The following RBFOX1 variants were observed in gnomAD, a reference collection of about 807,000 sequenced individuals.
The protein encoded by RBFOX1 is RNA binding fox-1 homolog 1.
RBFOX1 carries 8 observed loss-of-function variants against 57.7 expected under a neutral mutation model. That is an observed-to-expected ratio of 0.14 (90% CI 0.08 to 0.25). The LOEUF (loss-of-function observed/expected upper bound fraction) is 0.25. RBFOX1 is among the 10% of genes least tolerant of loss of function. The probability of loss-of-function intolerance (pLI) is 1.00; values close to 1 mark genes in which losing one functional copy is unlikely to be tolerated. For synonymous variants in RBFOX1, 326 were observed against 222.4 expected, an observed-to-expected ratio of 1.47 and a Z score of -4.15; for missense variants, 611 against 548.5, an observed-to-expected ratio of 1.11 and a Z score of -1.14.
intron 3 of RBFOX1, among the ~76,000 whole-genome samples, chr16:6,716,987 A>G (rs2064959548): frequency 6.6e-6 from 1 of 152,156 alleles, no homozygotes; most frequent in Non-Finnish European, 1.5e-5. Context: ...GTGCCCTTAT[A>G]AGAAGAGACA....
At chr16:6,719,436 A>C (rs1455255709) in intron 3 of RBFOX1, among the ~76,000 whole-genome samples, 4 of 144,916 alleles carry the variant, frequency 2.8e-5, no homozygotes, top group African/African-American at 8.3e-5. Context: ...CTCATCTTCA[A>C]AATAACCTGT....
intron 3 of RBFOX1, among the ~76,000 whole-genome samples, chr16:6,797,650 T>C (rs919262416): frequency 2.0e-5 from 3 of 152,150 alleles, no homozygotes; most frequent in African/African-American, 7.2e-5. Flanking sequence ...CTGTTCTCCT[T>C]GGTTCTGGAA....
intron 3 of RBFOX1, among the ~76,000 whole-genome samples, chr16:5,677,312 C>T (rs571572096): frequency 2.6e-5 from 4 of 152,310 alleles, no homozygotes; most frequent in African/African-American, 9.6e-5. Context: ...GTGAAATCCA[C>T]CTGCATATTC....
intron 2 of RBFOX1, among the ~76,000 whole-genome samples, chr16:6,493,345 G>A (rs1333473413): frequency 6.6e-6 from 1 of 152,142 alleles, no homozygotes; most frequent in Non-Finnish European, 1.5e-5. Flanking sequence ...AACAGTAATG[G>A]TTTGACCACA....
At chr16:6,373,581 G>T (rs1368829888) in intron 2 of RBFOX1, among the ~76,000 whole-genome samples, 1 of 152,062 alleles carries the variant, frequency 6.6e-6, no homozygotes, top group Non-Finnish European at 1.5e-5. Context: ...TGGAGATTGG[G>T]TGGAAGTATA....
At chr16:5,960,654 G>A (rs1337583530) in intron 4 of RBFOX1, among the ~76,000 whole-genome samples, 1 of 152,090 alleles carries the variant, frequency 6.6e-6, no homozygotes, top group African/African-American at 2.4e-5. Flanking sequence ...TGAAGTGTTT[G>A]GGGAGTTAAG....
intron 3 of RBFOX1, among the ~76,000 whole-genome samples, chr16:5,799,422 T>A (rs2054987634): frequency 6.6e-6 from 1 of 152,114 alleles, no homozygotes; most frequent in Non-Finnish European, 1.5e-5. Context: ...TCGAACAATA[T>A]ACAGATGTAT....
At chr16:5,363,995 C>G (rs1488251673) in intron 1 of RBFOX1, among the ~76,000 whole-genome samples, 2 of 152,184 alleles carry the variant, frequency 1.3e-5, no homozygotes, top group Non-Finnish European at 2.9e-5. Flanking sequence ...CAATCAGTTT[C>G]CAAGAGAAGG....
chr16:6,287,552 G>C (rs1393838084), intron 1 of RBFOX1, among the ~76,000 whole-genome samples: 1 of 152,074 alleles, frequency 6.6e-6, no homozygotes, highest in Non-Finnish European at 1.5e-5. Context: ...TCTCACAACT[G>C]CTAACACAGG....
intron 4 of RBFOX1, among the ~76,000 whole-genome samples, chr16:7,457,567 T>C (rs571461294): frequency 2.6e-5 from 4 of 152,332 alleles, no homozygotes; most frequent in South Asian, 2.1e-4. Context: ...CTGGAGCTCT[T>C]TGATGCTCTG....
intron 4 of RBFOX1, among the ~76,000 whole-genome samples, chr16:7,172,156 T>G (rs2080826388): frequency 6.6e-6 from 1 of 152,170 alleles, no homozygotes; most frequent in African/African-American, 2.4e-5. Flanking sequence ...TTTTTAGAAT[T>G]CTGCATCCTG....
chr16:5,517,867 C>A (rs537048093), intron 2 of RBFOX1, among the ~76,000 whole-genome samples: 2 of 149,576 alleles, frequency 1.3e-5, no homozygotes, highest in Admixed American at 1.3e-4. Flanking sequence ...CACACACGTA[C>A]ATATACTGGC....
rs1281559135 is a variant in RBFOX1 at position 6,122,820 on chromosome 16, G to GTGTGTGTGTGTGTGTGTC, written c.-127+102839_-127+102840insGTGTGTCTGTGTGTGTGT. Among the ~76,000 whole-genome samples, 1,409 of 151,902 alleles carry GTGTGTGTGTGTGTGTGTC rather than the reference G, an allele frequency of 9.3e-3. 22 individuals are homozygous for GTGTGTGTGTGTGTGTGTC. The highest frequency in any genetic ancestry group is 0.032 in the African/African-American group (1,339 of 41,316). On this transcript the variant is annotated intron_variant, in intron 1 of 15. Transcript: ENST00000550418. ...TGTGTGTATGTGTGTGTGTGTGTGTGTGTGTGTGTGTATAAAATATACTCT... is the reference window on the plus strand; with the variant it reads ...TGTGTGTATGTGTGTGTGTGTGTGTGTGTGTGTGTGTGTGTGTCTGTGTGTGTGTATAAAATATACTCT...
chr16:7,124,811 C>T (rs962257558), intron 4 of RBFOX1, among the ~76,000 whole-genome samples: 3 of 151,986 alleles, frequency 2.0e-5, no homozygotes, highest in African/African-American at 7.3e-5. Flanking sequence ...AGTGTAGAGA[C>T]AGTCCGTATC....
chr16:6,640,574 C>T (rs1046396329), intron 2 of RBFOX1, among the ~76,000 whole-genome samples: 3 of 152,108 alleles, frequency 2.0e-5, no homozygotes, highest in Non-Finnish European at 2.9e-5. Context: ...TGCCACTGCA[C>T]TCCAGCCTCA....
At chr16:6,382,671 T>A (rs564216603) in intron 2 of RBFOX1, among the ~76,000 whole-genome samples, 100 of 152,146 alleles carry the variant, frequency 6.6e-4, no homozygotes, top group Middle Eastern at 3.4e-3. Context: ...AGCAGCCTGG[T>A]CAACCTGGTG....
intron 4 of RBFOX1, among the ~76,000 whole-genome samples, chr16:5,965,678 C>G (rs1279480422): frequency 6.6e-6 from 1 of 152,132 alleles, no homozygotes; most frequent in Admixed American, 6.5e-5. Flanking sequence ...CAGATCACTG[C>G]GTCCCTAAAC....
At chr16:6,527,040 C>G (rs1435035974) in intron 2 of RBFOX1, among the ~76,000 whole-genome samples, 1 of 151,886 alleles carries the variant, frequency 6.6e-6, no homozygotes, top group African/African-American at 2.4e-5. Flanking sequence ...TATTATTAGC[C>G]GCCTCCCAAA....
chr16:7,104,519 G>C (rs2063237740), intron 4 of RBFOX1, among the ~76,000 whole-genome samples: 1 of 152,124 alleles, frequency 6.6e-6, no homozygotes. Context: ...GACTTTAAAA[G>C]CAATGGCTTA....
Sources: gnomAD v4.1 joint callset for allele counts (sites outside exome capture counted in the v4.1 genomes callset) on GRCh38, gnomAD v4.1.1 for gene constraint, MANE v1.5 for transcripts, NCBI Gene and HGNC (gene_info 2026-07-23, HGNC 2026-07-21) for gene names.